Variants in EIF3CL observed in about 807,000 individuals in gnomAD.
EIF3CL encodes the protein eukaryotic translation initiation factor 3 subunit C-like protein.
For synonymous variants in EIF3CL, 2 were observed against 19.6 expected (o/e 0.10, Z 2.37); for missense variants, 5 against 56.1 (o/e 0.09, Z 2.91).
At chr16:28,418,246 A>C in the EIF3CL span, among the ~76,000 whole-genome samples, 2 of 123,446 alleles carry the variant, frequency 1.6e-5, no homozygotes, top group African/African-American at 3.0e-5. Context: ...TGCAACCTTC[A>C]CCTCCCAGAT....
the EIF3CL span, among the ~76,000 whole-genome samples, chr16:28,416,754 TGG>T: frequency 2.0e-4 from 14 of 68,450 alleles, no homozygotes; most frequent in South Asian, 8.4e-4. Context: ...GGGAGGGAGG[TGG>T]GGGGGGTCAG....
At chr16:28,418,918 C>G in the EIF3CL span, among the ~76,000 whole-genome samples, 1 of 146,900 alleles carries the variant, frequency 6.8e-6, no homozygotes, top group Non-Finnish European at 1.5e-5. Flanking sequence ...GCCTGAGCCA[C>G]CCCACCTGGC....
chr16:28,417,216 C>G, the EIF3CL span, among the ~76,000 whole-genome samples: 1 of 148,866 alleles, frequency 6.7e-6, no homozygotes, highest in South Asian at 2.1e-4. Flanking sequence ...CCCTGCCCGG[C>G]GAGCCGCCCC....
the EIF3CL span, among the ~76,000 whole-genome samples, chr16:28,418,120 C>T: frequency 6.7e-6 from 1 of 150,324 alleles, no homozygotes; most frequent in East Asian, 2.0e-4. Flanking sequence ...AAAACCCAAA[C>T]CATTCTTTCT....
the EIF3CL span, among the ~76,000 whole-genome samples, chr16:28,417,516 C>A: frequency 1.5e-4 from 18 of 116,762 alleles, no homozygotes; most frequent in African/African-American, 4.7e-4. Flanking sequence ...TGTGACCTTA[C>A]CCCCAACCCT....
chr16:28,417,851 A>ATT, the EIF3CL span, among the ~76,000 whole-genome samples: 1 of 79,582 alleles, frequency 1.3e-5, no homozygotes. Flanking sequence ...AAACTCAAAT[A>ATT]AAGTTTGCAC....
the EIF3CL span, among the ~76,000 whole-genome samples, chr16:28,418,717 C>T: frequency 2.0e-5 from 3 of 151,898 alleles, no homozygotes; most frequent in Admixed American, 1.3e-4. Context: ...GAAGCCTCTG[C>T]CTCCCAGGTT....
chr16:28,425,536 ACAGATTACCGACGT>A, the EIF3CL span, among the ~76,000 whole-genome samples: 3 of 106,788 alleles, frequency 2.8e-5, 1 homozygote, highest in Non-Finnish European at 3.8e-5. Context: ...ACAGCACATC[ACAGATTACCGACGT>A]CCAGTTCCCA....
chr16:28,410,786 A>AT, the EIF3CL span, among the ~76,000 whole-genome samples: 121 of 142,202 alleles, frequency 8.5e-4, no homozygotes, highest in South Asian at 4.3e-3. Flanking sequence ...TTTTGTAGAG[A>AT]CGGGGGGGGC....
At chr16:28,423,794 CATATATATATATAATATATATATT>C in the EIF3CL span, among the ~76,000 whole-genome samples, 2 of 97,620 alleles carry the variant, frequency 2.0e-5, no homozygotes, top group Non-Finnish European at 4.5e-5. Context: ...TTTTCTGCTC[CATATATATATATAATATATATATT>C]ATATATATAT....
the EIF3CL span, among the ~76,000 whole-genome samples, chr16:28,415,936 C>T: frequency 3.5e-5 from 3 of 86,400 alleles, no homozygotes; most frequent in East Asian, 4.3e-4. Context: ...GCTGCCATCT[C>T]GGCTCACTGC....
At chr16:28,417,542 T>A in the EIF3CL span, among the ~76,000 whole-genome samples, 2 of 112,650 alleles carry the variant, frequency 1.8e-5, no homozygotes, top group Non-Finnish European at 3.8e-5. Context: ...CTCTGAAACA[T>A]GTGCTGTGTC....
Position 28,396,758 on chromosome 16 carries a change from A to G in EIF3CL, c.776+3113T>C, listed in dbSNP as rs2045654429. On this transcript the variant is annotated intron_variant, in intron 8 of 20. Transcript: ENST00000380876. ...AAAGCTATTACAAAATTTAAAATAAAGAGGATAAACAGAAAGTATAAGATA... is the reference window on the plus strand; with the variant it reads ...AAAGCTATTACAAAATTTAAAATAAGGAGGATAAACAGAAAGTATAAGATA... Among the ~76,000 whole-genome samples the G allele has an allele frequency of 1.1e-4, 5 of 44,920 alleles. No individual in the cohort carries two copies. In the South Asian group the frequency reaches 3.6e-3, roughly 32 times the overall value. The allele number at this position is 44,920 out of a possible 152,430, so 29.5% of individuals were successfully genotyped here.
chr16:28,416,754 T>A, the EIF3CL span, among the ~76,000 whole-genome samples: 56 of 68,080 alleles, frequency 8.2e-4, no homozygotes, highest in South Asian at 1.3e-3. Flanking sequence ...GGGAGGGAGG[T>A]GGGGGGGGTC....
At chr16:28,422,642 G>C in the EIF3CL span, among the ~76,000 whole-genome samples, 1 of 144,858 alleles carries the variant, frequency 6.9e-6, no homozygotes, top group African/African-American at 2.6e-5. Flanking sequence ...AGACCAGCCT[G>C]GCCAACACAG....
chr16:28,417,872 CAAAA>C, the EIF3CL span, among the ~76,000 whole-genome samples: 27,831 of 109,836 alleles, frequency 0.25, 713 homozygotes, highest in Admixed American at 0.3. Context: ...TTTAGGAATG[CAAAA>C]AAAAAAAAAA....
At chr16:28,417,131 G>C in the EIF3CL span, among the ~76,000 whole-genome samples, 2 of 132,908 alleles carry the variant, frequency 1.5e-5, no homozygotes, top group South Asian at 2.3e-4. Flanking sequence ...CGCCCGGTCC[G>C]GGAGGGAGGT....
the EIF3CL span, among the ~76,000 whole-genome samples, chr16:28,421,913 A>G: frequency 9.7e-4 from 90 of 92,942 alleles, no homozygotes; most frequent in Non-Finnish European, 1.1e-3. Context: ...ATGTGTCTCA[A>G]TTTCACTGAA....
chr16:28,416,739 C>T, the EIF3CL span, among the ~76,000 whole-genome samples: 8 of 116,808 alleles, frequency 6.8e-5, no homozygotes, highest in East Asian at 2.8e-4. Context: ...GCAGCCACCC[C>T]GTCCGGGAGG....
Sources: allele counts gnomAD v4.1 joint callset (sites outside exome capture counted in the v4.1 genomes callset), GRCh38; gene constraint gnomAD v4.1.1; transcripts MANE v1.5; gene names NCBI Gene and HGNC (gene_info 2026-07-23, HGNC 2026-07-21).